Variants in LRBA observed in about 807,000 individuals in gnomAD.
The protein encoded by LRBA is LPS responsive beige-like anchor protein, also known as lipopolysaccharide-responsive and beige-like anchor protein.
In LRBA, 176 loss-of-function variants were observed where a neutral mutation model predicts 330.0. That is an observed-to-expected ratio of 0.53 (90% CI 0.47 to 0.60). The LOEUF is 0.60. LRBA is among the 20% of genes least tolerant of loss of function. The probability of loss-of-function intolerance (pLI) is 0.00; values close to 1 mark genes in which losing one functional copy is unlikely to be tolerated. For missense variants in LRBA, 3,259 were observed against 3,444.8 expected, an observed-to-expected ratio of 0.95 and a Z score of 1.35; for synonymous variants, 1,230 against 1,193.0, an observed-to-expected ratio of 1.03 and a Z score of -0.64.
chr4:150,876,085 G>T (rs1171108191), intron 17 of LRBA, among the ~76,000 whole-genome samples: 2 of 152,082 alleles, frequency 1.3e-5, no homozygotes, highest in Admixed American at 6.6e-5. Flanking sequence ...TACAAAACAA[G>T]ACTGAAAGTT....
intron 2 of LRBA, among the ~76,000 whole-genome samples, chr4:150,930,748 G>C (rs1388406722): frequency 6.6e-6 from 1 of 152,170 alleles, no homozygotes; most frequent in Admixed American, 6.5e-5. Context: ...GGCAAGCACA[G>C]TGATAAAGAC....
chr4:150,674,696 G>A (rs1339171854), intron 37 of LRBA, among the ~76,000 whole-genome samples: 4 of 152,070 alleles, frequency 2.6e-5, no homozygotes, highest in African/African-American at 9.7e-5. Context: ...GGGCAACACA[G>A]TAAGACCCCA....
At chr4:150,835,423 C>G (rs1264125804) in intron 28 of LRBA, among the ~76,000 whole-genome samples, 1 of 152,160 alleles carries the variant, frequency 6.6e-6, no homozygotes, top group East Asian at 1.9e-4. Flanking sequence ...GATATTGATT[C>G]TTCCTATCCA....
At chr4:150,697,342 A>AAAAAC in intron 36 of LRBA, among the ~76,000 whole-genome samples, 1 of 148,260 alleles carries the variant, frequency 6.7e-6, no homozygotes, top group Non-Finnish European at 1.5e-5. Flanking sequence ...AAAAAAAAAA[A>AAAAAC]AAAAAAAAAC....
chr4:150,788,651 C>T (rs1164922899), intron 34 of LRBA, among the ~76,000 whole-genome samples: 1 of 151,284 alleles, frequency 6.6e-6, no homozygotes, highest in Non-Finnish European at 1.5e-5. Flanking sequence ...ATCCCAGCTA[C>T]TTGGGAAGCT....
intron 27 of LRBA, 111 bp from the exon 28 acceptor site, chr4:150,844,318 C>T (rs1352642215): frequency 1.7e-6 from 1 of 588,104 alleles, no homozygotes; most frequent in Non-Finnish European, 2.8e-6. Flanking sequence ...AAAGCTATAG[C>T]ATTCCTTTCC....
chr4:150,560,963 C>G (rs1486311072), intron 40 of LRBA, among the ~76,000 whole-genome samples: 2 of 151,902 alleles, frequency 1.3e-5, no homozygotes, highest in Admixed American at 1.3e-4. Context: ...CCAGCCTGGG[C>G]AACAAGAGCG....
At chr4:150,418,004 T>A (rs1396081294) in intron 46 of LRBA, among the ~76,000 whole-genome samples, 2 of 151,526 alleles carry the variant, frequency 1.3e-5, no homozygotes, top group East Asian at 3.9e-4. Context: ...TCTCCACAAG[T>A]TTTTTTGGTT....
intron 40 of LRBA, among the ~76,000 whole-genome samples, chr4:150,569,513 T>C (rs1464775364): frequency 6.6e-6 from 1 of 152,168 alleles, no homozygotes; most frequent in Non-Finnish European, 1.5e-5. Context: ...ACACAGTCCC[T>C]GTGGGCTTGC....
intron 40 of LRBA, chr4:150,579,131 T>A (rs1417603199): frequency 2.4e-6 from 1 of 420,954 alleles, no homozygotes; most frequent in Non-Finnish European, 4.7e-6. Context: ...TGGTCTCCTT[T>A]AATAGAATAT....
chr4:150,326,159 A>G (rs1379201852), intron 48 of LRBA, among the ~76,000 whole-genome samples: 1 of 152,146 alleles, frequency 6.6e-6, no homozygotes, highest in African/African-American at 2.4e-5. Flanking sequence ...CAGCTATTAC[A>G]ATCAGAAATT....
chr4:150,423,144 C>G (rs1581263165), intron 46 of LRBA: 2 of 1,052,748 alleles, frequency 1.9e-6, no homozygotes, highest in Non-Finnish European at 3.0e-6. Context: ...CACCAAAGTA[C>G]AGGACCAACC....
chr4:150,371,219 G>C (rs1740262025), intron 47 of LRBA, among the ~76,000 whole-genome samples: 1 of 103,962 alleles, frequency 9.6e-6, no homozygotes, highest in Non-Finnish European at 1.7e-5. Flanking sequence ...TGGAGACAGA[G>C]TCTCACTCTG....
chr4:150,895,445 C>T (rs1430153167), intron 16 of LRBA, among the ~76,000 whole-genome samples: 1 of 152,120 alleles, frequency 6.6e-6, no homozygotes, highest in South Asian at 2.1e-4. Context: ...ACCCCCACCC[C>T]ACAACAGGCC....
intron 40 of LRBA, among the ~76,000 whole-genome samples, chr4:150,536,900 T>C (rs1258723357): frequency 1.3e-5 from 2 of 152,180 alleles, no homozygotes; most frequent in Non-Finnish European, 2.9e-5. Flanking sequence ...AAAATGGCCA[T>C]ACTACCCAAA....
chr4:150,877,667 C>G (rs551946774), intron 17 of LRBA, among the ~76,000 whole-genome samples: 2 of 152,308 alleles, frequency 1.3e-5, no homozygotes, highest in Admixed American at 1.3e-4. Flanking sequence ...AAATTCAACA[C>G]TTGACTAATT....
intron 18 of LRBA, among the ~76,000 whole-genome samples, chr4:150,872,165 T>C (rs184296789): frequency 1.2e-3 from 183 of 152,332 alleles, no homozygotes; most frequent in Middle Eastern, 3.4e-3. Context: ...GACTTCAGTT[T>C]ACCAACACTT....
chr4:150,682,438 T>G (rs1297767664), intron 37 of LRBA, among the ~76,000 whole-genome samples: 1 of 152,190 alleles, frequency 6.6e-6, no homozygotes, highest in Non-Finnish European at 1.5e-5. Flanking sequence ...GTCCTTTTGA[T>G]CTCAAGACCT....
At position 150,803,495 on chromosome 4, in the gene LRBA, A is replaced by AT. The variant is rs1742070240; in HGVS notation, c.5518+2775dup. ...TTTTAATACTAAAAAACTCATAAGC[A>AT]TTTTTTTAAAAATTAAGAAGCTTTG... On this transcript the variant is annotated intron_variant, in intron 33 of 56. Transcript: ENST00000651943. Among the ~76,000 whole-genome samples the AT allele has an allele frequency of 2.6e-5, 4 of 152,064 alleles. No individual in the cohort carries two copies. The South Asian group carries it at 6.2e-4, about 24-fold the overall frequency.
Sources: allele counts gnomAD v4.1 joint callset (sites outside exome capture counted in the v4.1 genomes callset), GRCh38; gene constraint gnomAD v4.1.1; transcripts MANE v1.5; gene names NCBI Gene and HGNC (gene_info 2026-07-23, HGNC 2026-07-21).